VKORC1L1: variants seen among roughly 807,000 people sequenced by gnomAD.
The protein encoded by VKORC1L1 is vitamin K epoxide reductase complex subunit 1L1.
Under a neutral mutation model 18.9 loss-of-function variants are expected in VKORC1L1, and 2 were observed. The ratio of observed to expected loss-of-function variants is 0.11; its 90% CI spans 0.04 to 0.33. The LOEUF is 0.33. Ranked by LOEUF, VKORC1L1 falls within the 10% of genes least tolerant of loss-of-function variation. The pLI is 1.00. For missense variants in VKORC1L1, 123 were observed against 224.1 expected (o/e 0.55, Z 2.88); for synonymous variants, 96 against 100.0 (o/e 0.96, Z 0.24).
intron 1 of VKORC1L1, among the ~76,000 whole-genome samples, chr7:65,883,136 CTTTTTTTTT>C (rs34906605): frequency 1.8e-5 from 2 of 109,622 alleles, no homozygotes; most frequent in African/African-American, 7.9e-5. Context: ...TACATTTGAG[CTTTTTTTTT>C]TTTTTTTTTT....
At chr7:65,915,744 C>A (rs886510821) in intron 1 of VKORC1L1, among the ~76,000 whole-genome samples, 3 of 151,314 alleles carry the variant, frequency 2.0e-5, no homozygotes, top group Non-Finnish European at 4.4e-5. Context: ...CCTAAATCAA[C>A]ACCTAATTTA....
chr7:65,889,103 G>C (rs1276184784), intron 1 of VKORC1L1, among the ~76,000 whole-genome samples: 1 of 99,790 alleles, frequency 1.0e-5, no homozygotes, highest in Admixed American at 1.1e-4. Flanking sequence ...TTTTTTTTTT[G>C]GCTGGCTTAT....
At chr7:65,942,091 A>G (rs908311112) in intron 1 of VKORC1L1, among the ~76,000 whole-genome samples, 1 of 152,208 alleles carries the variant, frequency 6.6e-6, no homozygotes, top group African/African-American at 2.4e-5. Flanking sequence ...AAAAAGTACC[A>G]GAGGTTATGG....
intron 1 of VKORC1L1, among the ~76,000 whole-genome samples, chr7:65,901,268 G>A (rs554007284): frequency 1.4e-4 from 21 of 152,276 alleles, no homozygotes; most frequent in African/African-American, 4.6e-4. Flanking sequence ...AGGCCTAGGC[G>A]GGAGGATGCC....
At chr7:65,937,749 GA>G (rs1444205573) in intron 1 of VKORC1L1, among the ~76,000 whole-genome samples, 2 of 152,242 alleles carry the variant, frequency 1.3e-5, no homozygotes, top group East Asian at 3.9e-4. Context: ...TCTTACAAAT[GA>G]ATAGACGGTT....
At chr7:65,891,458 G>A (rs750285623) in intron 1 of VKORC1L1, among the ~76,000 whole-genome samples, 4 of 151,732 alleles carry the variant, frequency 2.6e-5, no homozygotes, top group East Asian at 3.9e-4. Context: ...TATGTTTTTC[G>A]GCCATTTGGA....
At chr7:65,902,961 G>T (rs2116396870) in intron 1 of VKORC1L1, among the ~76,000 whole-genome samples, 1 of 152,056 alleles carries the variant, frequency 6.6e-6, no homozygotes, top group Admixed American at 6.6e-5. Flanking sequence ...CCGCCTCCCG[G>T]GTTCAAGTGA....
intron 1 of VKORC1L1, among the ~76,000 whole-genome samples, chr7:65,915,771 G>T (rs1789579092): frequency 6.6e-6 from 1 of 151,750 alleles, no homozygotes; most frequent in Non-Finnish European, 1.5e-5. Flanking sequence ...GTTGCAAAAT[G>T]GTGCTATTCC....
At chr7:65,876,188 A>G (rs1007084095) in intron 1 of VKORC1L1, among the ~76,000 whole-genome samples, 7 of 152,362 alleles carry the variant, frequency 4.6e-5, no homozygotes, top group Non-Finnish European at 7.3e-5. Context: ...TCCTGTCACC[A>G]TCATTTCATT....
At chr7:65,877,475 G>A (rs1366500727) in intron 1 of VKORC1L1, among the ~76,000 whole-genome samples, 1 of 152,008 alleles carries the variant, frequency 6.6e-6, no homozygotes, top group Non-Finnish European at 1.5e-5. Context: ...AGCCTCCCAA[G>A]GAGCTGGGAT....
At chr7:65,899,548 G>T (rs1015295844) in intron 1 of VKORC1L1, among the ~76,000 whole-genome samples, 1 of 152,206 alleles carries the variant, frequency 6.6e-6, no homozygotes, top group African/African-American at 2.4e-5. Flanking sequence ...AAATTGAAAT[G>T]ACTCTGAAGC....
At chr7:65,891,681 A>G (rs1197970591) in intron 1 of VKORC1L1, among the ~76,000 whole-genome samples, 1 of 151,978 alleles carries the variant, frequency 6.6e-6, no homozygotes, top group African/African-American at 2.4e-5. Flanking sequence ...ATTATTATGG[A>G]TACATAATAG....
Position 65,885,779 on chromosome 7 carries a change from C to A in VKORC1L1, c.194+12214C>A, listed in dbSNP as rs531103232. On this transcript the variant is annotated intron_variant, in intron 1 of 2. Transcript: ENST00000360768. The stretch of plus-strand genomic sequence containing the variant: ...TTCCATTACCACCCCTCCCCCGTGG[C>A]TTTTTATAGAAGTTTGATATCTGAT... Among the ~76,000 whole-genome samples the A allele has an allele frequency of 3.8e-3, 581 of 152,160 alleles. 6 individuals are homozygous for A. The highest frequency in any genetic ancestry group is 0.013 in the African/African-American group (554 of 41,524).
intron 1 of VKORC1L1, among the ~76,000 whole-genome samples, chr7:65,893,064 G>C (rs1206386587): frequency 6.6e-6 from 1 of 152,216 alleles, no homozygotes; most frequent in Non-Finnish European, 1.5e-5. Context: ...GCAGATAAGA[G>C]AATCCAGCTG....
chr7:65,891,304 G>A (rs1163254558), intron 1 of VKORC1L1, among the ~76,000 whole-genome samples: 5 of 151,968 alleles, frequency 3.3e-5, no homozygotes, highest in Admixed American at 2.6e-4. Flanking sequence ...ATCTAGGAGT[G>A]GATTTCTGGG....
intron 1 of VKORC1L1, among the ~76,000 whole-genome samples, chr7:65,904,867 ACTT>A (rs1204072755): frequency 3.3e-5 from 5 of 152,304 alleles, no homozygotes; most frequent in Admixed American, 2.6e-4. Flanking sequence ...CATTAAGTGT[ACTT>A]CTTTCCAGTT....
At chr7:65,888,932 A>G (rs1789060586) in intron 1 of VKORC1L1, among the ~76,000 whole-genome samples, 2 of 152,184 alleles carry the variant, frequency 1.3e-5, no homozygotes, top group African/African-American at 2.4e-5. Context: ...GAGGTGGAGT[A>G]AAAACTGGCC....
intron 1 of VKORC1L1, among the ~76,000 whole-genome samples, chr7:65,926,313 G>A (rs902747718): frequency 6.6e-6 from 1 of 151,988 alleles, no homozygotes; most frequent in African/African-American, 2.4e-5. Context: ...CCGCCACCAC[G>A]CCCAGCTAAT....
At chr7:65,951,953 T>G (rs1431830543) in intron 2 of VKORC1L1, among the ~76,000 whole-genome samples, 3 of 152,242 alleles carry the variant, frequency 2.0e-5, no homozygotes, top group Non-Finnish European at 2.9e-5. Flanking sequence ...ACTGGGAATT[T>G]GACCCTGAGC....
Sources: gnomAD v4.1 joint callset for allele counts (sites outside exome capture counted in the v4.1 genomes callset) on GRCh38, gnomAD v4.1.1 for gene constraint, MANE v1.5 for transcripts, NCBI Gene and HGNC (gene_info 2026-07-23, HGNC 2026-07-21) for gene names.